RBFOX1: variants seen among roughly 807,000 people sequenced by gnomAD.
RBFOX1 encodes RNA binding fox-1 homolog 1.
A neutral mutation model predicts 57.7 loss-of-function variants in RBFOX1; 8 were observed. That is an observed-to-expected ratio of 0.14 (90% CI 0.08 to 0.25). RBFOX1 has a LOEUF of 0.25. Among genes scored for constraint, RBFOX1 ranks in the 10% least tolerant of loss-of-function variants. The pLI is 1.00. For missense variants in RBFOX1, 611 were observed against 548.5 expected, an observed-to-expected ratio of 1.11 and a Z score of -1.14; for synonymous variants, 326 against 222.4, an observed-to-expected ratio of 1.47 and a Z score of -4.15.
chr16:5,868,986 G>T (rs1220495362), intron 4 of RBFOX1, among the ~76,000 whole-genome samples: 2 of 152,098 alleles, frequency 1.3e-5, no homozygotes, highest in Non-Finnish European at 2.9e-5. Flanking sequence ...AAAATTTTGT[G>T]ATGTATAGGC....
At chr16:6,118,424 G>T (rs2096520880) in intron 1 of RBFOX1, among the ~76,000 whole-genome samples, 1 of 152,122 alleles carries the variant, frequency 6.6e-6, no homozygotes, top group Admixed American at 6.5e-5. Context: ...TCAATGTTTG[G>T]TGAGTGCTGG....
intron 2 of RBFOX1, among the ~76,000 whole-genome samples, chr16:6,630,942 T>G (rs975088170): frequency 1.3e-5 from 2 of 152,156 alleles, no homozygotes. Flanking sequence ...AAAAATGTTT[T>G]AAAGTACCTT....
In RBFOX1 at chr16:5,596,803, A is replaced by C. The variant is rs140646778; in HGVS notation, c.259-2099A>C. Among the ~76,000 whole-genome samples, 68 of 152,356 alleles carry C rather than the reference A, an allele frequency of 4.5e-4. 1 individual carries two copies. In the East Asian group the frequency reaches 0.013, roughly 29 times the overall value. On this transcript the variant is annotated intron_variant, in intron 2 of 2. Transcript: ENST00000585867. ...ACGCATCTGGCAGCAAAATCACTGC[A>C]TCATCCTCCTCCCCCTTCTCTCCCC... is the stretch of plus-strand genomic sequence containing the variant.
At chr16:7,493,793 G>A (rs2067707161) in intron 4 of RBFOX1, among the ~76,000 whole-genome samples, 1 of 152,184 alleles carries the variant, frequency 6.6e-6, no homozygotes, top group South Asian at 2.1e-4. Flanking sequence ...AAGAGAATAT[G>A]TTTGCATTGT....
At chr16:5,757,963 G>A (rs1330017955) in intron 3 of RBFOX1, among the ~76,000 whole-genome samples, 2 of 152,278 alleles carry the variant, frequency 1.3e-5, no homozygotes, top group Admixed American at 6.5e-5. Flanking sequence ...TCACTGTGAA[G>A]TTCTGTACTG....
chr16:6,558,583 CT>C (rs1192916809), intron 2 of RBFOX1, among the ~76,000 whole-genome samples: 1 of 152,102 alleles, frequency 6.6e-6, no homozygotes, highest in Admixed American at 6.5e-5. Context: ...ACACATGGGG[CT>C]TTTGGCTTTT....
At chr16:6,025,069 A>G (rs2095162696) in intron 1 of RBFOX1, among the ~76,000 whole-genome samples, 1 of 152,164 alleles carries the variant, frequency 6.6e-6, no homozygotes, top group Admixed American at 6.5e-5. Context: ...TTCTAATGGG[A>G]AACCATTGGG....
intron 2 of RBFOX1, among the ~76,000 whole-genome samples, chr16:6,611,429 G>A (rs1236250908): frequency 6.6e-6 from 1 of 152,202 alleles, no homozygotes. Context: ...TGTCAGGCGT[G>A]AGCCACTGTG....
chr16:5,845,129 T>C (rs990422685), intron 3 of RBFOX1, among the ~76,000 whole-genome samples: 1 of 149,912 alleles, frequency 6.7e-6, no homozygotes, highest in Admixed American at 6.7e-5. Flanking sequence ...TATTCCCAAA[T>C]CCCTTAAGCT....
intron 2 of RBFOX1, among the ~76,000 whole-genome samples, chr16:5,584,969 T>A (rs940151839): frequency 1.3e-5 from 2 of 150,090 alleles, no homozygotes; most frequent in African/African-American, 5.1e-5. Flanking sequence ...GAAGTCTGGG[T>A]CTGCTGGGAA....
chr16:7,273,234 C>CTTCCTTCA (rs2095370784), intron 4 of RBFOX1, among the ~76,000 whole-genome samples: 1 of 140,048 alleles, frequency 7.1e-6, no homozygotes, highest in Admixed American at 7.5e-5. Flanking sequence ...TCCTTCCTTC[C>CTTCCTTCA]TTCCTTCCTT....
intron 3 of RBFOX1, among the ~76,000 whole-genome samples, chr16:6,682,204 C>G (rs1290252598): frequency 6.6e-6 from 1 of 152,150 alleles, no homozygotes; most frequent in Admixed American, 6.5e-5. Flanking sequence ...ATTAAAACAA[C>G]AACAGCAACG....
intron 3 of RBFOX1, among the ~76,000 whole-genome samples, chr16:6,813,791 G>A (rs1849446796): frequency 6.6e-6 from 1 of 152,198 alleles, no homozygotes; most frequent in South Asian, 2.1e-4. Context: ...CAGAGATGCG[G>A]AGGATTCCTG....
At chr16:5,556,659 C>G (rs532421453) in intron 2 of RBFOX1, among the ~76,000 whole-genome samples, 83 of 151,870 alleles carry the variant, frequency 5.5e-4, no homozygotes, top group African/African-American at 2.0e-3. Context: ...CAGACTGACT[C>G]TCACCCTCGG....
At chr16:7,526,302 G>A (rs1369529361) in intron 5 of RBFOX1, among the ~76,000 whole-genome samples, 1 of 152,124 alleles carries the variant, frequency 6.6e-6, no homozygotes, top group African/African-American at 2.4e-5. Flanking sequence ...TTGACCAATG[G>A]CTTAGAATTC....
intron 3 of RBFOX1, among the ~76,000 whole-genome samples, chr16:5,635,023 G>A (rs1343602766): frequency 6.6e-6 from 1 of 152,110 alleles, no homozygotes; most frequent in Non-Finnish European, 1.5e-5. Context: ...TCAGGGTCAG[G>A]CAGTCTCAGA....
At chr16:5,915,088 A>G (rs1045761421) in intron 4 of RBFOX1, among the ~76,000 whole-genome samples, 1 of 152,158 alleles carries the variant, frequency 6.6e-6, no homozygotes, top group Non-Finnish European at 1.5e-5. Context: ...GAACACCAGG[A>G]GGTGGAAACC....
chr16:7,207,175 A>G (rs1455455062), intron 4 of RBFOX1, among the ~76,000 whole-genome samples: 2 of 152,152 alleles, frequency 1.3e-5, no homozygotes, highest in South Asian at 2.1e-4. Context: ...ATTTTCTTTT[A>G]TAGCATCTTC....
At chr16:6,947,065 G>C (rs1240804201) in intron 3 of RBFOX1, among the ~76,000 whole-genome samples, 1 of 152,132 alleles carries the variant, frequency 6.6e-6, no homozygotes, top group Non-Finnish European at 1.5e-5. Flanking sequence ...ATTGAGAGAA[G>C]GTCTGTGCTT....
Sources: allele counts gnomAD v4.1 joint callset (sites outside exome capture counted in the v4.1 genomes callset), GRCh38; gene constraint gnomAD v4.1.1; transcripts MANE v1.5; gene names NCBI Gene and HGNC (gene_info 2026-07-23, HGNC 2026-07-21).